Variants in SLC6A19 observed in about 807,000 individuals in gnomAD.
SLC6A19 encodes solute carrier family 6 member 19.
A neutral mutation model predicts 68.3 loss-of-function variants in SLC6A19; 67 were observed. The observed-to-expected ratio is 0.98, with a 90% CI of 0.81 to 1.20. The LOEUF (loss-of-function observed/expected upper bound fraction) is 1.20. Ranked by LOEUF, SLC6A19 falls within the 50% of genes most tolerant of loss-of-function variation. The probability of loss-of-function intolerance (pLI) is 0.00; values close to 1 mark genes in which losing one functional copy is unlikely to be tolerated. For synonymous variants in SLC6A19, 392 were observed against 374.9 expected (o/e 1.05, Z -0.53); for missense variants, 813 against 851.6 (o/e 0.95, Z 0.56).
Position 1,221,819 on chromosome 5 carries a change from G to A in SLC6A19, c.1820G>A (p.Arg607Lys). 1 of 1,614,234 alleles carries A rather than the reference G, an allele frequency of 6.2e-7. No homozygotes were observed. Among genetic ancestry groups the A allele is most frequent in the South Asian group, 1.1e-5 (1 of 91,090 alleles). Residue 607 changes from arginine to lysine, a missense_variant, in exon 12 of 12, where the codon AGG becomes AAG. By Grantham distance (26) the Arg-to-Lys change is conservative. Coordinates refer to ENST00000304460, the MANE Select transcript of SLC6A19 (RefSeq NM_001003841.3). ...GGCTATGCCATCTACAAGCTCATCA[G>A]GAACCACTGCCAGAAGCCAGGGGAC... is the stretch of plus-strand genomic sequence containing the variant. Reference protein sequence around the residue: ...IPGYAIYKLIRNHCQKPGDHQ... With the variant: ...IPGYAIYKLIKNHCQKPGDHQ...
In SLC6A19 at chr5:1,212,264, G is replaced by T; in HGVS notation, c.482-39G>T. ...GGCCTTCCATTCTCCTCCCTTGGGG[G>T]ACCCGTACCCTGAGGTGTGTGAATG... On this transcript the variant is annotated intron_variant, in intron 3 of 11. Transcript: ENST00000304460. This position sits in a 1 kb window ranked among gnomAD's most constrained non-coding sequence, Gnocchi z 5.1. 7.5e-6 allele frequency: 12 copies of T among 1,610,722 alleles called. No individual in the cohort carries two copies. Among genetic ancestry groups the T allele is most frequent in the Non-Finnish European group, 9.3e-6 (11 of 1,179,688 alleles).
At position 1,215,515 on chromosome 5, in the gene SLC6A19, T is replaced by G. The variant is rs1746183014; in HGVS notation, c.888-1043T>G. ...TGGGGTGGCCACATTGCCACAGCCC[T>G]GTGTCTGATCCTTGCATGGGGCACA... On this transcript the variant is annotated intron_variant, in intron 6 of 11. Transcript: ENST00000304460. The surrounding 1 kb of genome is among the most constrained non-coding windows in gnomAD (Gnocchi z 5.1). 6.6e-6 allele frequency among the ~76,000 whole-genome samples: 1 copy of G among 152,268 alleles called. No individual in the cohort carries two copies. The highest frequency in any genetic ancestry group is 2.4e-5 in the African/African-American group (1 of 41,482).
At chr5:1,216,167 G>A in intron 6 of SLC6A19, among the ~76,000 whole-genome samples, 1 of 152,220 alleles carries the variant, frequency 6.6e-6, no homozygotes, top group East Asian at 1.9e-4. Flanking sequence ...GACGCCTAGG[G>A]TGGAGGCTGG....
In SLC6A19 at chr5:1,213,535, G is replaced by T; in HGVS notation, c.736G>T (p.Gly246Cys). 1 of 1,611,148 alleles carries T rather than the reference G, an allele frequency of 6.2e-7. No individual in the cohort carries two copies. The highest frequency in any genetic ancestry group is 8.5e-7 in the Non-Finnish European group (1 of 1,179,358). The change falls in exon 5 of 12, where the codon GGC becomes TGC. Residue 246 changes from glycine to cysteine, a missense_variant. Physicochemically the swap from Gly to Cys is radical, Grantham distance 159. Transcript: ENST00000304460. ...IFLIRGLTLK[G>C]ATNGIVFLFT... ...CCTCATCCGAGGCCTGACGCTGAAG[G>T]GCGCCACCAATGGCATCGTCTTCCT...
chr5:1,211,049 C>T (rs1746013795), intron 3 of SLC6A19, among the ~76,000 whole-genome samples: 1 of 152,240 alleles, frequency 6.6e-6, no homozygotes, highest in Non-Finnish European at 1.5e-5. Context: ...GGGGCAGACC[C>T]TCTACGTGTG....
At position 1,222,502 on chromosome 5, in the gene SLC6A19, G is replaced by A. The variant is rs1003797288; in HGVS notation, c.*598G>A. On this transcript the variant is annotated 3_prime_UTR_variant, in exon 12 of 12. Coordinates refer to ENST00000304460, the MANE Select transcript of SLC6A19 (RefSeq NM_001003841.3). ...TGTGTATATGTACATGTATGCCTGT[G>A]TGACGTGTGTATATGTGAGCATGTG... 7 of 419,026 alleles carry A rather than the reference G, an allele frequency of 1.7e-5. No homozygotes were observed. Among genetic ancestry groups the A allele is most frequent in the African/African-American group, 1.4e-4 (7 of 49,798 alleles). 26.0% of individuals were successfully genotyped at this position (419,026 alleles called of 1,614,324 possible). A position where few individuals can be genotyped will look rare whatever the true frequency, so the allele number is the denominator to read the frequency against.
At chr5:1,217,538 G>A (rs1037337563) in intron 8 of SLC6A19, among the ~76,000 whole-genome samples, 7 of 152,186 alleles carry the variant, frequency 4.6e-5, no homozygotes, top group Non-Finnish European at 8.8e-5. Context: ...GCACTTCAGG[G>A]CCCAGTGCTG....
chr5:1,218,897 G>C lies in SLC6A19; in HGVS notation c.1174-6G>C. On this transcript the variant is annotated splice_polypyrimidine_tract_variant and splice_region_variant and intron_variant, in intron 8 of 11. Transcript: ENST00000304460. ...AGGCCCTGGTGACTGTGTGTCATCC[G>C]TGCAGGCCGTGGAGGGCACAGGCCT... The C allele has an allele frequency of 6.2e-7, 1 of 1,612,726 alleles. No homozygotes were observed. The highest frequency in any genetic ancestry group is 8.5e-7 in the Non-Finnish European group (1 of 1,179,860).
chr5:1,217,700 A>G (rs146764539), intron 8 of SLC6A19, among the ~76,000 whole-genome samples: 230 of 152,390 alleles, frequency 1.5e-3, no homozygotes, highest in Non-Finnish European at 2.8e-3. Flanking sequence ...GGAGGGGCCC[A>G]ACAGGGCCGT....
chr5:1,202,460 C>T (rs913373812), intron 1 of SLC6A19, among the ~76,000 whole-genome samples: 2 of 152,214 alleles, frequency 1.3e-5, no homozygotes, highest in Non-Finnish European at 2.9e-5. Flanking sequence ...ATGGCCGCTG[C>T]TGGCACAGAG....
intron 1 of SLC6A19, among the ~76,000 whole-genome samples, chr5:1,204,130 G>A (rs1343720422): frequency 1.3e-5 from 2 of 152,326 alleles, no homozygotes; most frequent in African/African-American, 2.4e-5. Flanking sequence ...AGACCAAATC[G>A]AGGGGAAGCA....
At chr5:1,213,683 C>T in intron 5 of SLC6A19, 110 bp downstream of exon 5, 1 of 1,181,378 alleles carries the variant, frequency 8.5e-7, no homozygotes, top group Non-Finnish European at 1.2e-6. Flanking sequence ...CAGCCTGCTG[C>T]TCGACCAGTC....
In SLC6A19 at chr5:1,223,734, G is replaced by T. The variant is rs955137971; in HGVS notation, c.*1830G>T. 6.6e-6 allele frequency: 1 copy of T among 151,096 alleles called. No homozygotes were observed. The highest frequency in any genetic ancestry group is 1.9e-4 in the East Asian group (1 of 5,190). 9.4% of individuals were successfully genotyped at this position (151,096 alleles called of 1,614,324 possible). On this transcript the variant is annotated 3_prime_UTR_variant, in exon 12 of 12. Coordinates refer to ENST00000304460, the MANE Select transcript of SLC6A19 (RefSeq NM_001003841.3). ...CAGGTCACCTCTGCTTTCCATAGAA[G>T]AATCTGGACGCTTACATTAAACTGA... is the stretch of plus-strand genomic sequence containing the variant.
Position 1,214,190 on chromosome 5 carries a change from C to T in SLC6A19, c.887+125C>T. ...GCCGGGGCCTTGCTGCCCCGATGGG[C>T]CCGTTCCCTCCTGCTCGGGGTCCAT... On this transcript the variant is annotated intron_variant, in intron 6 of 11. Coordinates refer to ENST00000304460, the MANE Select transcript of SLC6A19 (RefSeq NM_001003841.3). This position sits in a 1 kb window ranked among gnomAD's most constrained non-coding sequence, Gnocchi z 7.4. 4 of 1,516,122 alleles carry T rather than the reference C, an allele frequency of 2.6e-6. No homozygotes were observed. Among genetic ancestry groups the T allele is most frequent in the East Asian group, 2.4e-5 (1 of 41,012 alleles). The allele number at this position is 1,516,122 out of a possible 1,614,324, so 93.9% of individuals were successfully genotyped here.
chr5:1,209,011 T>A lies in SLC6A19; in HGVS notation c.343+125T>A. ...CTGCTCTGCCTTCCCTGTCTGTTTC[T>A]GGTGCAACAAAGGTCCCAGCTTCAT... On this transcript the variant is annotated intron_variant, in intron 2 of 11. Transcript: ENST00000304460. The surrounding 1 kb of genome is among the most constrained non-coding windows in gnomAD (Gnocchi z 5.5). 7.6e-7 allele frequency: 1 copy of A among 1,311,618 alleles called. No homozygotes were observed. Among genetic ancestry groups the A allele is most frequent in the East Asian group, 2.5e-5 (1 of 39,428 alleles). 81.2% of individuals were successfully genotyped at this position (1,311,618 alleles called of 1,614,324 possible).
At chr5:1,203,410 G>T (rs547795857) in intron 1 of SLC6A19, among the ~76,000 whole-genome samples, 1 of 151,970 alleles carries the variant, frequency 6.6e-6, no homozygotes, top group African/African-American at 2.4e-5. Context: ...GGACAGGTGC[G>T]GGCAGCGGGC....
Position 1,212,340 on chromosome 5 carries a change from C to T in SLC6A19, c.519C>T (p.Asp173=), listed in dbSNP as rs1246221125. The change falls in exon 4 of 12, where the codon GAC becomes GAT. Residue 173 remains aspartate (D), a synonymous_variant. Coordinates refer to ENST00000304460, the MANE Select transcript of SLC6A19 (RefSeq NM_001003841.3). The surrounding 1 kb of genome is among the most constrained non-coding windows in gnomAD (Gnocchi z 5.1). Reference sequence around the variant, plus strand: ...AGTGCGCCAGGAGCTCCCCTGTGGACTACTTCTGGTACCGAGAGACGCTCA... The same window carrying T: ...AGTGCGCCAGGAGCTCCCCTGTGGATTACTTCTGGTACCGAGAGACGCTCA... The part of the protein sequence containing the change: ...VDECARSSPV[D]YFWYRETLNI... 1 of 1,613,706 alleles carries T rather than the reference C, an allele frequency of 6.2e-7. No homozygotes were observed. The highest frequency in any genetic ancestry group is 8.5e-7 in the Non-Finnish European group (1 of 1,179,954).
In SLC6A19 at chr5:1,216,560, A is replaced by G; in HGVS notation, c.890A>G (p.Asn297Ser). 6.2e-7 allele frequency: 1 copy of G among 1,614,132 alleles called. No individual in the cohort carries two copies. Among genetic ancestry groups the G allele is most frequent in the Non-Finnish European group, 8.5e-7 (1 of 1,180,022 alleles). Reference sequence around the variant, plus strand: ...CATGACACTGGTCTCGTCTGCAGCAACAACTGCGAGAAGGACTCGGTGATT... The same window carrying G: ...CATGACACTGGTCTCGTCTGCAGCAGCAACTGCGAGAAGGACTCGGTGATT... Reference protein sequence around the residue: ...ISFSSYNSVHNNCEKDSVIVS... With the variant: ...ISFSSYNSVHSNCEKDSVIVS... The change falls in exon 7 of 12, where the codon AAC (asparagine) becomes AGC (serine). Residue 297 changes from asparagine to serine, a missense_variant and splice_region_variant. Coordinates refer to ENST00000304460, the MANE Select transcript of SLC6A19 (RefSeq NM_001003841.3).
intron 11 of SLC6A19, 58 bp downstream of exon 11, chr5:1,221,371 A>C: frequency 6.3e-7 from 1 of 1,587,646 alleles, no homozygotes; most frequent in South Asian, 1.1e-5. Context: ...GGAAAGGAGG[A>C]CACTCATCCA....
Sources: gnomAD v4.1 joint callset for allele counts (sites outside exome capture counted in the v4.1 genomes callset) on GRCh38, gnomAD v4.1.1 for gene constraint, Gnocchi (gnomAD v3.1) non-coding constraint, MANE v1.5 for transcripts, NCBI Gene and HGNC (gene_info 2026-07-23, HGNC 2026-07-21) for gene names.